The following RNLS variants were observed in gnomAD, a reference collection of about 807,000 sequenced individuals.
RNLS encodes the protein renalase, FAD dependent amine oxidase, also known as renalase.
RNLS carries 39 observed loss-of-function variants against 39.8 expected under a neutral mutation model. The ratio of observed to expected loss-of-function variants is 0.98; its 90% CI spans 0.76 to 1.28. RNLS has a LOEUF of 1.28. Among genes scored for constraint, RNLS ranks in the 50% most tolerant of loss-of-function variants. The pLI, the probability that RNLS is intolerant of heterozygous loss-of-function variation, is 0.00. For missense variants in RNLS, 410 were observed against 413.3 expected (o/e 0.99, Z 0.07); for synonymous variants, 147 against 150.7 (o/e 0.98, Z 0.18).
At chr10:88,537,057 G>A (rs1378636121) in intron 4 of RNLS, among the ~76,000 whole-genome samples, 1 of 152,112 alleles carries the variant, frequency 6.6e-6, no homozygotes, top group Non-Finnish European at 1.5e-5. Context: ...GGAAAATAAT[G>A]GATGTTTAAC....
At chr10:88,555,507 C>T (rs1211581650) in intron 4 of RNLS, among the ~76,000 whole-genome samples, 1 of 152,046 alleles carries the variant, frequency 6.6e-6, no homozygotes, top group Non-Finnish European at 1.5e-5. Flanking sequence ...CCTCTCTCCT[C>T]ATGTGATGCT....
intron 4 of RNLS, among the ~76,000 whole-genome samples, chr10:88,438,098 C>G (rs946177784): frequency 6.7e-6 from 1 of 148,744 alleles, no homozygotes; most frequent in Non-Finnish European, 1.5e-5. Context: ...TGCACTCCAG[C>G]CTGGGCAACA....
At chr10:88,257,849 A>G in the RNLS span, among the ~76,000 whole-genome samples, 1,476 of 152,308 alleles carry the variant, frequency 9.7e-3, 25 homozygotes, top group South Asian at 0.063. Flanking sequence ...ATGACTATAA[A>G]TGACTTTGGG....
the RNLS span, among the ~76,000 whole-genome samples, chr10:88,237,906 C>G: frequency 6.6e-6 from 1 of 152,178 alleles, no homozygotes; most frequent in Non-Finnish European, 1.5e-5. Flanking sequence ...AATTAAAAGT[C>G]AAGTGACAGT....
chr10:88,187,149 T>TATATATATAATATATATAATATATATATA, the RNLS span, among the ~76,000 whole-genome samples: 235 of 136,594 alleles, frequency 1.7e-3, 1 homozygote, highest in African/African-American at 4.4e-3. Context: ...TCAAAAAATA[T>TATATATATAATATATATAATATATATATA]ATATATATAA....
intron 5 of RNLS, among the ~76,000 whole-genome samples, chr10:88,341,700 A>AAAAC (rs1847970066): frequency 6.6e-6 from 1 of 152,172 alleles, no homozygotes; most frequent in South Asian, 2.1e-4. Context: ...GGTTTTGTGG[A>AAAAC]AAACAGCCTG....
At chr10:88,211,950 G>A in the RNLS span, among the ~76,000 whole-genome samples, 3 of 152,208 alleles carry the variant, frequency 2.0e-5, no homozygotes, top group South Asian at 6.2e-4. Context: ...CAAGGAGCAT[G>A]TCAGGGAGGA....
chr10:88,304,132 T>C (rs1459513420), intron 6 of RNLS, among the ~76,000 whole-genome samples: 2 of 152,198 alleles, frequency 1.3e-5, no homozygotes, highest in Non-Finnish European at 2.9e-5. Context: ...GTTGGTTTAA[T>C]CAACCTTATG....
intron 4 of RNLS, among the ~76,000 whole-genome samples, chr10:88,547,058 T>C (rs1848352570): frequency 6.6e-6 from 1 of 152,228 alleles, no homozygotes; most frequent in Non-Finnish European, 1.5e-5. Context: ...TGTTTGGGAA[T>C]GAAAGGTTGA....
chr10:88,213,171 C>T, the RNLS span, among the ~76,000 whole-genome samples: 1 of 152,108 alleles, frequency 6.6e-6, no homozygotes, highest in Non-Finnish European at 1.5e-5. Context: ...GCTAACATTG[C>T]ATCAAAGCCC....
rs1455561813 is a variant in RNLS at position 88,288,474 on chromosome 10, CAT to C, written c.877-2970_877-2969del. 3.3e-5 allele frequency among the ~76,000 whole-genome samples: 5 copies of C among 152,262 alleles called. No homozygotes were observed. In the East Asian group the frequency reaches 9.7e-4, roughly 29 times the overall value. On this transcript the variant is annotated intron_variant, in intron 6 of 6. Coordinates refer to ENST00000331772, the MANE Select transcript of RNLS (RefSeq NM_001031709.3). ...ACATCAATAGAATAAAGCATTCACA[CAT>C]ATTCATATCTATACATATATGTGTG... is the stretch of plus-strand genomic sequence containing the variant.
intron 4 of RNLS, among the ~76,000 whole-genome samples, chr10:88,439,536 TA>T (rs1189418073): frequency 2.6e-5 from 4 of 152,196 alleles, no homozygotes; most frequent in Admixed American, 2.6e-4. Flanking sequence ...AAGGAATATA[TA>T]AGTATGATTA....
At chr10:88,535,300 A>C (rs1847682967) in intron 4 of RNLS, among the ~76,000 whole-genome samples, 1 of 152,112 alleles carries the variant, frequency 6.6e-6, no homozygotes, top group Non-Finnish European at 1.5e-5. Context: ...TGGTGAGAGG[A>C]GGGTAGTGAA....
chr10:88,537,398 G>A (rs1589976042), intron 4 of RNLS, among the ~76,000 whole-genome samples: 1 of 152,244 alleles, frequency 6.6e-6, no homozygotes, highest in Middle Eastern at 3.4e-3. Flanking sequence ...CATGAGAAAT[G>A]TACAAGAATG....
chr10:88,306,259 C>T (rs1844905487), intron 6 of RNLS, among the ~76,000 whole-genome samples: 1 of 151,964 alleles, frequency 6.6e-6, no homozygotes, highest in African/African-American at 2.4e-5. Flanking sequence ...AACACCAAAA[C>T]TAAAATAATT....
intron 4 of RNLS, among the ~76,000 whole-genome samples, chr10:88,541,205 A>G (rs978848830): frequency 6.6e-6 from 1 of 152,212 alleles, no homozygotes; most frequent in African/African-American, 2.4e-5. Flanking sequence ...TGAATTCTTT[A>G]AAAGTTTTCT....
chr10:88,360,858 C>T lies in RNLS; in HGVS notation c.700+1694G>A, dbSNP rs369769894. Among the ~76,000 whole-genome samples, 5 of 152,318 alleles carry T rather than the reference C, an allele frequency of 3.3e-5. No homozygotes were observed. In the East Asian group the frequency reaches 7.7e-4, roughly 23 times the overall value. On this transcript the variant is annotated intron_variant, in intron 5 of 6. Coordinates refer to ENST00000331772, the MANE Select transcript of RNLS (RefSeq NM_001031709.3). ...TGGAAGAGAGCAGAGAAAGATAAAA[C>T]CTAGGTCTTTGAAGAGATTGCTCAG...
chr10:88,383,119 C>T (rs150699766), intron 4 of RNLS, among the ~76,000 whole-genome samples: 12 of 152,094 alleles, frequency 7.9e-5, no homozygotes, highest in East Asian at 7.7e-4. Context: ...TTTACTTTTG[C>T]GGACTTAACC....
the RNLS span, among the ~76,000 whole-genome samples, chr10:88,176,011 G>A: frequency 6.6e-6 from 1 of 151,978 alleles, no homozygotes; most frequent in Non-Finnish European, 1.5e-5. Context: ...TTATGTTTTT[G>A]ATATAATAGC....
Sources: gnomAD v4.1 joint callset for allele counts (sites outside exome capture counted in the v4.1 genomes callset) on GRCh38, gnomAD v4.1.1 for gene constraint, MANE v1.5 for transcripts, NCBI Gene and HGNC (gene_info 2026-07-23, HGNC 2026-07-21) for gene names.